The following IRAG1 variants were observed in gnomAD, a reference collection of about 807,000 sequenced individuals.
The protein encoded by IRAG1 is IP3R-associated cGMP kinase substrate.
In IRAG1, 62 loss-of-function variants were observed where a neutral mutation model predicts 106.2. The ratio of observed to expected loss-of-function variants is 0.58; its 90% CI spans 0.48 to 0.72. The LOEUF (loss-of-function observed/expected upper bound fraction) is 0.72. IRAG1 is among the 30% of genes least tolerant of loss of function. The pLI, the probability that IRAG1 is intolerant of heterozygous loss-of-function variation, is 0.00. For missense variants in IRAG1, 1,064 were observed against 1,140.7 expected (o/e 0.93, Z 0.97); for synonymous variants, 462 against 443.9 (o/e 1.04, Z -0.51).
At chr11:10,593,025 T>A (rs1019174271) in intron 17 of IRAG1, among the ~76,000 whole-genome samples, 42 of 152,348 alleles carry the variant, frequency 2.8e-4, no homozygotes, top group African/African-American at 1.0e-3. Context: ...TTAGTGAACA[T>A]GGAGTTGTTT....
Position 10,581,728 on chromosome 11 carries a change from A to G in IRAG1, c.2360+139T>C. 5 of 1,027,934 alleles carry G rather than the reference A, an allele frequency of 4.9e-6. No individual in the cohort carries two copies. The South Asian group carries it at 5.1e-5, about 10-fold the overall frequency. 63.7% of individuals were successfully genotyped at this position (1,027,934 alleles called of 1,614,324 possible). ...CTGTGGAACAGTCTTGCTCTTTCCT[A>G]TGTAGTTCCTTCCTGTGGCAAGGAG... On this transcript the variant is annotated intron_variant, in intron 19 of 20. Coordinates refer to ENST00000423302, the MANE Select transcript of IRAG1 (RefSeq NM_130385.4).
chr11:10,656,059 C>T (rs897012877), intron 1 of IRAG1, among the ~76,000 whole-genome samples: 1 of 152,194 alleles, frequency 6.6e-6, no homozygotes, highest in African/African-American at 2.4e-5. Context: ...GTCCCTGCCC[C>T]AGGGTGACAT....
intron 2 of IRAG1, among the ~76,000 whole-genome samples, chr11:10,642,202 TG>T (rs1347074518): frequency 2.0e-5 from 3 of 152,214 alleles, no homozygotes; most frequent in Admixed American, 2.0e-4. Context: ...CACTGAGGGC[TG>T]GGTCATCTCC....
intron 10 of IRAG1, among the ~76,000 whole-genome samples, chr11:10,620,788 G>T (rs1855777005): frequency 6.6e-6 from 1 of 152,164 alleles, no homozygotes; most frequent in African/African-American, 2.4e-5. Flanking sequence ...TTAACCTTGT[G>T]ATTCTCAAGT....
At chr11:10,601,731 A>G (rs1007632776) in intron 14 of IRAG1, among the ~76,000 whole-genome samples, 4 of 152,210 alleles carry the variant, frequency 2.6e-5, no homozygotes, top group Admixed American at 2.0e-4. Context: ...TTAAAGTAAG[A>G]GAGTAATATA....
At chr11:10,614,439 T>C (rs1855228446) in intron 10 of IRAG1, among the ~76,000 whole-genome samples, 2 of 152,122 alleles carry the variant, frequency 1.3e-5, no homozygotes, top group South Asian at 4.1e-4. Context: ...TTGGAAAAAA[T>C]ACTTTAAAGT....
chr11:10,623,835 G>C lies in IRAG1; in HGVS notation c.1390C>G (p.Gln464Glu). ...GGAAGCTTGAGCCCCACTAAGTTCT[G>C]ATTTCTCATCAGGATGTGCTCCTTT... Reference protein sequence around the residue: ...LREEHILMRNQNLVGLKLPDL... With the variant: ...LREEHILMRNENLVGLKLPDL... The change falls in exon 10 of 21, where the codon CAG (glutamine) becomes GAG (glutamate). Residue 464 changes from glutamine to glutamate, a missense_variant. Coordinates refer to ENST00000423302, the MANE Select transcript of IRAG1 (RefSeq NM_130385.4). 1 of 1,614,010 alleles carries C rather than the reference G, an allele frequency of 6.2e-7. No individual in the cohort carries two copies. The highest frequency in any genetic ancestry group is 1.1e-5 in the South Asian group (1 of 91,088).
rs34554801 is a variant in IRAG1 at position 10,657,750 on chromosome 11, G to C, written c.68-5568C>G. ...ACTGATGGGGGGAATTGTTGGGGGT[G>C]ACTGCACGTGGAGCTCTCTTAGCCC... On this transcript the variant is annotated intron_variant, in intron 1 of 20. Coordinates refer to ENST00000423302, the MANE Select transcript of IRAG1 (RefSeq NM_130385.4). The surrounding 1 kb of genome is among the most constrained non-coding windows in gnomAD (Gnocchi z 4.1). 0.42 allele frequency among the ~76,000 whole-genome samples: 63,734 copies of C among 152,030 alleles called. 14,994 individuals are homozygous for C. Among genetic ancestry groups the C allele is most frequent in the African/African-American group, 0.64 (26,512 of 41,438 alleles).
chr11:10,591,788 C>T (rs904094888), intron 17 of IRAG1, among the ~76,000 whole-genome samples, 176 bp from the exon 18 acceptor site: 1 of 152,214 alleles, frequency 6.6e-6, no homozygotes, highest in African/African-American at 2.4e-5. Flanking sequence ...CAGGCCTTCC[C>T]TGTCCTCCTT....
At chr11:10,681,203 C>T (rs977804423) in intron 1 of IRAG1, among the ~76,000 whole-genome samples, 1 of 152,120 alleles carries the variant, frequency 6.6e-6, no homozygotes, top group Non-Finnish European at 1.5e-5. Flanking sequence ...ACTCATCTGC[C>T]CCCAGAGCTG....
intron 17 of IRAG1, among the ~76,000 whole-genome samples, chr11:10,592,799 G>C (rs1019100314): frequency 1.4e-4 from 21 of 152,162 alleles, no homozygotes; most frequent in African/African-American, 5.1e-4. Flanking sequence ...CCATTGCCTA[G>C]AGATAACCAT....
chr11:10,693,702 G>C lies in IRAG1; in HGVS notation c.-100C>G. On this transcript the variant is annotated 5_prime_UTR_variant, in exon 1 of 21. Coordinates refer to ENST00000423302, the MANE Select transcript of IRAG1 (RefSeq NM_130385.4). Reference sequence around the variant, plus strand: ...CTCCTCTGAGAGGGGCTGGGACTTAGAGCCGAGAGCTCCTCTGGGAGCCCC... The same window carrying C: ...CTCCTCTGAGAGGGGCTGGGACTTACAGCCGAGAGCTCCTCTGGGAGCCCC... 1 of 1,361,016 alleles carries C rather than the reference G, an allele frequency of 7.3e-7. No individual in the cohort carries two copies. Among genetic ancestry groups the C allele is most frequent in the Non-Finnish European group, 1.0e-6 (1 of 998,142 alleles). 84.3% of individuals were successfully genotyped at this position (1,361,016 alleles called of 1,614,324 possible). A position where few individuals can be genotyped will look rare whatever the true frequency, so the allele number is the denominator to read the frequency against.
intron 2 of IRAG1, among the ~76,000 whole-genome samples, chr11:10,640,629 G>C (rs570244095): frequency 6.6e-6 from 1 of 152,288 alleles, no homozygotes; most frequent in Non-Finnish European, 1.5e-5. Context: ...GGGGCCCTCT[G>C]GGGTGAATTC....
At chr11:10,633,507 A>G (rs1165223685) in intron 3 of IRAG1, among the ~76,000 whole-genome samples, 2 of 152,376 alleles carry the variant, frequency 1.3e-5, no homozygotes, top group South Asian at 4.1e-4. Flanking sequence ...CCAAGAGATC[A>G]TATTTCACAC....
chr11:10,680,337 G>C (rs1564942311), intron 1 of IRAG1, among the ~76,000 whole-genome samples: 1 of 100,158 alleles, frequency 1.0e-5, no homozygotes, highest in African/African-American at 4.5e-5. Context: ...AGGAAGGAAG[G>C]AAGGAAGGAA....
At position 10,634,075 on chromosome 11, in the gene IRAG1, C is replaced by A. The variant is rs745919853; in HGVS notation, c.226-4G>T. 41 of 1,591,194 alleles carry A rather than the reference C, an allele frequency of 2.6e-5. No homozygotes were observed. Among genetic ancestry groups the A allele is most frequent in the Non-Finnish European group, 3.4e-5 (40 of 1,164,812 alleles). ...ATACTCCTGCGGCAGGAGGACCCTGCCGGTTTAGAACAAAAACACAGAGTT... is the reference window on the plus strand; with the variant it reads ...ATACTCCTGCGGCAGGAGGACCCTGACGGTTTAGAACAAAAACACAGAGTT... On this transcript the variant is annotated splice_region_variant and splice_polypyrimidine_tract_variant and intron_variant, in intron 2 of 20. Transcript: ENST00000423302.
At chr11:10,635,707 C>T (rs1213581370) in intron 2 of IRAG1, among the ~76,000 whole-genome samples, 1 of 152,162 alleles carries the variant, frequency 6.6e-6, no homozygotes, top group Non-Finnish European at 1.5e-5. Context: ...TTTAGTGAAC[C>T]CAGCTTTTCC....
rs1484601273 is a variant in IRAG1, at chr11:10,659,211, CCA to C, written c.68-7031_68-7030del. ...GGAATCCCTCCTGGAAGAGAGCCAG[CCA>C]CAGTGTCTGGCCAAGTAGGTATTTG... On this transcript the variant is annotated intron_variant, in intron 1 of 20. Transcript: ENST00000423302. The surrounding 1 kb of genome is among the most constrained non-coding windows in gnomAD (Gnocchi z 4.1). Among the ~76,000 whole-genome samples, 1 of 152,170 alleles carries C rather than the reference CCA, an allele frequency of 6.6e-6. No individual in the cohort carries two copies. Among genetic ancestry groups the C allele is most frequent in the African/African-American group, 2.4e-5 (1 of 41,438 alleles).
chr11:10,587,907 C>A (rs912522144), intron 18 of IRAG1, among the ~76,000 whole-genome samples: 5 of 152,200 alleles, frequency 3.3e-5, no homozygotes, highest in African/African-American at 1.2e-4. Flanking sequence ...AGCTGTGTAA[C>A]CTCAGGCAAG....
Sources: gnomAD v4.1 joint callset for allele counts (sites outside exome capture counted in the v4.1 genomes callset) on GRCh38, gnomAD v4.1.1 for gene constraint, Gnocchi (gnomAD v3.1) non-coding constraint, MANE v1.5 for transcripts, NCBI Gene and HGNC (gene_info 2026-07-23, HGNC 2026-07-21) for gene names.